The following ASB4 variants were observed in gnomAD, a reference collection of about 807,000 sequenced individuals.
ASB4 encodes the protein ankyrin repeat and SOCS box containing 4.
In ASB4, 35 loss-of-function variants were observed where a neutral mutation model predicts 38.6. The ratio of observed to expected loss-of-function variants is 0.91; its 90% CI spans 0.69 to 1.20. The LOEUF is 1.20. Ranked by LOEUF, ASB4 falls within the 50% of genes most tolerant of loss-of-function variation. The pLI is 0.00. For synonymous variants in ASB4, 195 were observed against 201.3 expected, an observed-to-expected ratio of 0.97 and a Z score of 0.26; for missense variants, 557 against 527.2, an observed-to-expected ratio of 1.06 and a Z score of -0.55.
the ASB4 span, among the ~76,000 whole-genome samples, chr7:95,548,166 T>G: frequency 2.6e-5 from 4 of 152,254 alleles, no homozygotes; most frequent in South Asian, 2.1e-4. Flanking sequence ...GTGATGTACA[T>G]GTTTGCATTT....
intron 2 of ASB4, among the ~76,000 whole-genome samples, chr7:95,511,348 T>G (rs1367628119): frequency 1.3e-5 from 2 of 151,968 alleles, no homozygotes; most frequent in Admixed American, 1.3e-4. Context: ...TTTGTTTTCT[T>G]GCGGCCTCAG....
chr7:95,487,986 C>T (rs776418260), intron 1 of ASB4, among the ~76,000 whole-genome samples: 1 of 152,184 alleles, frequency 6.6e-6, no homozygotes, highest in Non-Finnish European at 1.5e-5. Flanking sequence ...GTTTAATACG[C>T]ACATGGGCAC....
intron 1 of ASB4, among the ~76,000 whole-genome samples, chr7:95,480,212 C>T (rs746550092): frequency 1.3e-5 from 2 of 152,156 alleles, no homozygotes; most frequent in Non-Finnish European, 2.9e-5. Flanking sequence ...TTCTTGGTAG[C>T]ACATATTACC....
At chr7:95,531,632 G>A (rs987112222) in intron 3 of ASB4, among the ~76,000 whole-genome samples, 4 of 152,110 alleles carry the variant, frequency 2.6e-5, no homozygotes, top group African/African-American at 9.7e-5. Flanking sequence ...TGGTGCTCCT[G>A]GGCCTGCTTT....
intron 1 of ASB4, among the ~76,000 whole-genome samples, chr7:95,493,372 GTGTGTGTGTGTGTGTGTGTA>G (rs911462485): frequency 1.8e-5 from 2 of 111,062 alleles, no homozygotes; most frequent in South Asian, 2.8e-4. Flanking sequence ...GTGTGTGTGT[GTGTGTGTGTGTGTGTGTGTA>G]TGTGTGTGTG....
intron 2 of ASB4, chr7:95,496,264 T>A (rs1790246841): frequency 4.1e-6 from 2 of 491,262 alleles, no homozygotes; most frequent in African/African-American, 1.9e-5. Context: ...TAGCAGGAAG[T>A]TCATTCATTT....
intron 2 of ASB4, among the ~76,000 whole-genome samples, chr7:95,507,124 C>T (rs575350938): frequency 8.5e-5 from 13 of 152,080 alleles, no homozygotes; most frequent in Admixed American, 3.3e-4. Context: ...TAATTATCTA[C>T]GTAGAGGTTT....
chr7:95,487,720 G>C (rs1418145038), intron 1 of ASB4, among the ~76,000 whole-genome samples: 1 of 152,166 alleles, frequency 6.6e-6, no homozygotes, highest in Non-Finnish European at 1.5e-5. Flanking sequence ...GGTCCTCATA[G>C]AGCTAAATTT....
intron 1 of ASB4, among the ~76,000 whole-genome samples, chr7:95,490,360 T>C (rs557706826): frequency 6.6e-6 from 1 of 152,358 alleles, no homozygotes; most frequent in African/African-American, 2.4e-5. Context: ...CAAACTTTTT[T>C]CTTTTACATT....
intron 2 of ASB4, among the ~76,000 whole-genome samples, chr7:95,525,086 C>G (rs1790718919): frequency 6.6e-6 from 1 of 152,090 alleles, no homozygotes; most frequent in Non-Finnish European, 1.5e-5. Context: ...AGAGAAAATG[C>G]CATGTGAAGG....
At chr7:95,515,182 TTTC>T (rs2116623154) in intron 2 of ASB4, among the ~76,000 whole-genome samples, 1 of 112,232 alleles carries the variant, frequency 8.9e-6, no homozygotes, top group African/African-American at 4.0e-5. Flanking sequence ...TCTTTCTTTC[TTTC>T]TTTCTTTCTT....
Position 95,506,834 on chromosome 7 carries a change from G to C in ASB4, c.487+10777G>C, listed in dbSNP as rs1252130238. ...AAAAATGTTCCTGAATTATTTCCTG[G>C]GTGAGTTCTTTTCTTCTGCTTTCTA... On this transcript the variant is annotated intron_variant, in intron 2 of 4. Transcript: ENST00000325885. Among the ~76,000 whole-genome samples the C allele has an allele frequency of 5.3e-5, 8 of 151,194 alleles. No individual in the cohort carries two copies. In the East Asian group the frequency reaches 1.6e-3, roughly 29 times the overall value.
chr7:95,542,794 A>G (rs1183897416), downstream of ASB4: 1 of 152,194 alleles, frequency 6.6e-6, no homozygotes, highest in African/African-American at 2.4e-5. Flanking sequence ...TTCTTTACTA[A>G]TTGGTTTTCT....
At chr7:95,549,300 C>CCTTTTTTTTTTTTTTT in the ASB4 span, among the ~76,000 whole-genome samples, 1 of 83,086 alleles carries the variant, frequency 1.2e-5, no homozygotes, top group Non-Finnish European at 2.3e-5. Flanking sequence ...TAGGAGACTC[C>CCTTTTTTTTTTTTTTT]ATTTTTTTTT....
upstream of ASB4, among the ~76,000 whole-genome samples, chr7:95,477,610 T>G (rs1449179530): frequency 6.6e-6 from 1 of 152,200 alleles, no homozygotes; most frequent in Non-Finnish European, 1.5e-5. Flanking sequence ...AGTATGAAGC[T>G]TGACATTAGG....
chr7:95,522,136 C>A (rs1316898979), intron 2 of ASB4, among the ~76,000 whole-genome samples: 1 of 152,078 alleles, frequency 6.6e-6, no homozygotes, highest in Admixed American at 6.6e-5. Context: ...AGAGTTCTCT[C>A]TTTTATATAT....
intron 2 of ASB4, among the ~76,000 whole-genome samples, chr7:95,517,591 C>T (rs532683878): frequency 1.6e-4 from 23 of 147,176 alleles, no homozygotes; most frequent in Non-Finnish European, 2.4e-4. Flanking sequence ...AAAGCACACC[C>T]AAGGAAACTG....
chr7:95,496,564 C>T (rs1373033768), intron 2 of ASB4, among the ~76,000 whole-genome samples: 6 of 152,052 alleles, frequency 3.9e-5, no homozygotes, highest in South Asian at 2.1e-4. Flanking sequence ...ATGAAAAGGA[C>T]GGCCAGGTGC....
chr7:95,478,446 G>GA (rs36099978), exon 1 of ASB4: 2 of 152,178 alleles, frequency 1.3e-5, no homozygotes, highest in Non-Finnish European at 2.9e-5. Context: ...AAGATGACGT[G>GA]AAATGAATAG....
Sources: allele counts gnomAD v4.1 joint callset (sites outside exome capture counted in the v4.1 genomes callset), GRCh38; gene constraint gnomAD v4.1.1; transcripts MANE v1.5; gene names NCBI Gene and HGNC (gene_info 2026-07-23, HGNC 2026-07-21).